FRMD4A: variants seen among roughly 807,000 people sequenced by gnomAD.
FRMD4A encodes the protein FERM domain-containing protein 4A.
FRMD4A carries 29 observed loss-of-function variants against 129.1 expected under a neutral mutation model. That is an observed-to-expected ratio of 0.22 (90% CI 0.17 to 0.31). The LOEUF is 0.31. Among genes scored for constraint, FRMD4A ranks in the 10% least tolerant of loss-of-function variants. The probability of loss-of-function intolerance (pLI) is 1.00; values close to 1 mark genes in which losing one functional copy is unlikely to be tolerated. For missense variants in FRMD4A, 1,272 were observed against 1,375.8 expected, an observed-to-expected ratio of 0.92 and a Z score of 1.19; for synonymous variants, 634 against 571.6, an observed-to-expected ratio of 1.11 and a Z score of -1.56.
intron 2 of FRMD4A, among the ~76,000 whole-genome samples, chr10:14,168,301 T>C (rs1841298440): frequency 6.6e-6 from 1 of 152,228 alleles, no homozygotes; most frequent in Non-Finnish European, 1.5e-5. Context: ...TGAGATCATC[T>C]GTGTCCAACC....
chr10:14,194,578 T>C (rs1331227472), intron 2 of FRMD4A, among the ~76,000 whole-genome samples: 1 of 152,036 alleles, frequency 6.6e-6, no homozygotes, highest in Non-Finnish European at 1.5e-5. Context: ...ACCACTGCAC[T>C]CTCGCCTGGG....
chr10:13,846,032 T>C (rs982700509), intron 3 of FRMD4A, among the ~76,000 whole-genome samples: 2 of 152,174 alleles, frequency 1.3e-5, no homozygotes, highest in Non-Finnish European at 2.9e-5. Flanking sequence ...TTTCCTCATC[T>C]GAAAAAATGG....
chr10:14,213,482 G>A lies in FRMD4A; in HGVS notation c.45+116576C>T, dbSNP rs536542376. The stretch of plus-strand genomic sequence containing the variant: ...CACACAGACAGTCATCAGTAAAGCC[G>A]GTATTCAAGCTCTGGTCCAGGTTTT... On this transcript the variant is annotated intron_variant, in intron 2 of 24. Coordinates refer to ENST00000357447, the MANE Select transcript of FRMD4A (RefSeq NM_018027.5). 7.2e-5 allele frequency among the ~76,000 whole-genome samples: 11 copies of A among 152,210 alleles called. No individual in the cohort carries two copies. The South Asian group carries it at 1.7e-3, about 23-fold the overall frequency.
chr10:13,822,780 A>T (rs17154081), intron 3 of FRMD4A, among the ~76,000 whole-genome samples: 11,799 of 152,136 alleles, frequency 0.078, 619 homozygotes, highest in Admixed American at 0.16. Flanking sequence ...AGGATATGTC[A>T]TGTCCCTATT....
chr10:14,125,175 C>T (rs1231895864), intron 2 of FRMD4A, among the ~76,000 whole-genome samples: 3 of 152,162 alleles, frequency 2.0e-5, no homozygotes, highest in Admixed American at 6.5e-5. Flanking sequence ...CCATGATCAC[C>T]GTCGATGACT....
chr10:13,787,155 C>T (rs969309938), intron 5 of FRMD4A, among the ~76,000 whole-genome samples: 1 of 152,172 alleles, frequency 6.6e-6, no homozygotes, highest in African/African-American at 2.4e-5. Flanking sequence ...AAAAAAATCA[C>T]CTCCTCTCGA....
intron 2 of FRMD4A, among the ~76,000 whole-genome samples, chr10:13,943,144 G>A (rs553767775): frequency 6.6e-6 from 1 of 151,950 alleles, no homozygotes; most frequent in Non-Finnish European, 1.5e-5. Flanking sequence ...TTTCTCACAC[G>A]GCAAGATGTC....
chr10:14,246,660 A>G (rs1844252177), intron 2 of FRMD4A, among the ~76,000 whole-genome samples: 1 of 152,242 alleles, frequency 6.6e-6, no homozygotes, highest in South Asian at 2.1e-4. Context: ...ATAGTGAACT[A>G]TAAGTAATTA....
chr10:14,122,313 C>A (rs1053400720), intron 2 of FRMD4A, among the ~76,000 whole-genome samples: 1 of 152,194 alleles, frequency 6.6e-6, no homozygotes, highest in Non-Finnish European at 1.5e-5. Flanking sequence ...AAAAAGCCAC[C>A]AAGCTCACAA....
chr10:14,129,662 C>T (rs561816410), intron 2 of FRMD4A, among the ~76,000 whole-genome samples: 3 of 152,074 alleles, frequency 2.0e-5, no homozygotes, highest in South Asian at 2.1e-4. Flanking sequence ...TGGAGTCTTG[C>T]ATGGGTCGCC....
intron 2 of FRMD4A, among the ~76,000 whole-genome samples, chr10:13,923,910 A>G (rs1217534035): frequency 6.6e-6 from 1 of 152,184 alleles, no homozygotes; most frequent in East Asian, 1.9e-4. Context: ...AAGGGGAGAT[A>G]GACAAAATAA....
At chr10:13,898,948 C>T (rs1270679578) in intron 2 of FRMD4A, among the ~76,000 whole-genome samples, 1 of 152,026 alleles carries the variant, frequency 6.6e-6, no homozygotes, top group African/African-American at 2.4e-5. Context: ...TCTGGAGGGC[C>T]GAGGTGGGAG....
chr10:14,142,962 A>G (rs1386461027), intron 2 of FRMD4A, among the ~76,000 whole-genome samples: 1 of 148,082 alleles, frequency 6.8e-6, no homozygotes, highest in African/African-American at 2.4e-5. Context: ...ACCTCACCTC[A>G]TTAGGATGGC....
chr10:13,918,613 C>T (rs1255787820), intron 2 of FRMD4A, among the ~76,000 whole-genome samples: 2 of 151,996 alleles, frequency 1.3e-5, no homozygotes, highest in Admixed American at 1.3e-4. Context: ...ACTGCAACCT[C>T]TGCCTTCCGG....
At chr10:13,805,149 T>C (rs1160147353) in intron 4 of FRMD4A, among the ~76,000 whole-genome samples, 1 of 152,140 alleles carries the variant, frequency 6.6e-6, no homozygotes, top group Non-Finnish European at 1.5e-5. Flanking sequence ...TTCTTTCTTT[T>C]TTTTTTCTTT....
At chr10:14,286,507 A>T (rs1845685625) in intron 2 of FRMD4A, among the ~76,000 whole-genome samples, 1 of 152,172 alleles carries the variant, frequency 6.6e-6, no homozygotes, top group Non-Finnish European at 1.5e-5. Context: ...AGGAAAATCA[A>T]AATTTTTATG....
chr10:14,313,461 T>C (rs1305891507), intron 2 of FRMD4A, among the ~76,000 whole-genome samples: 3 of 152,258 alleles, frequency 2.0e-5, no homozygotes, highest in Non-Finnish European at 4.4e-5. Context: ...GAATGGTTAA[T>C]TATCTACGAA....
At chr10:14,330,017 G>A (rs1402417776) in intron 2 of FRMD4A, 41 bp downstream of exon 2, 3 of 1,546,658 alleles carry the variant, frequency 1.9e-6, no homozygotes, top group African/African-American at 2.7e-5. Flanking sequence ...GGAGGCTGGA[G>A]TGGACGCTGC....
At chr10:13,648,973 G>A (rs2134376504) in intron 24 of FRMD4A, among the ~76,000 whole-genome samples, 1 of 151,912 alleles carries the variant, frequency 6.6e-6, no homozygotes, top group South Asian at 2.1e-4. Flanking sequence ...CCTTTCAGAG[G>A]CCTGAAATGT....
Sources: allele counts gnomAD v4.1 joint callset (sites outside exome capture counted in the v4.1 genomes callset), GRCh38; gene constraint gnomAD v4.1.1; transcripts MANE v1.5; gene names NCBI Gene and HGNC (gene_info 2026-07-23, HGNC 2026-07-21).